The following KCNT1 variants were observed in gnomAD, a reference collection of about 807,000 sequenced individuals.
KCNT1 encodes the protein potassium channel subfamily T member 1.
Under a neutral mutation model 147.8 loss-of-function variants are expected in KCNT1, and 78 were observed. The ratio of observed to expected loss-of-function variants is 0.53; its 90% CI spans 0.44 to 0.64. The LOEUF is 0.64. Among genes scored for constraint, KCNT1 ranks in the 30% least tolerant of loss-of-function variants. The pLI is 0.00. For synonymous variants in KCNT1, 867 were observed against 748.8 expected, an observed-to-expected ratio of 1.16 and a Z score of -2.58; for missense variants, 1,419 against 1,750.3, an observed-to-expected ratio of 0.81 and a Z score of 3.38.
At position 135,726,309 on chromosome 9, in the gene KCNT1, G is replaced by A. The variant is rs143800010; in HGVS notation, c.254+11589G>A. Reference sequence around the variant, plus strand: ...ACTCCCGGCCTGCAGGGCCCTCTGGGGCCTCCCTGGGTCTCGGATCCCTTC... The same window carrying A: ...ACTCCCGGCCTGCAGGGCCCTCTGGAGCCTCCCTGGGTCTCGGATCCCTTC... On this transcript the variant is annotated intron_variant, in intron 2 of 30. Transcript: ENST00000371757. 5.0e-3 allele frequency among the ~76,000 whole-genome samples: 760 copies of A among 152,170 alleles called. 1 individual carries two copies. Among genetic ancestry groups the A allele is most frequent in the African/African-American group, 0.017 (711 of 41,512 alleles).
chr9:135,751,363 C>A (rs10123048), intron 4 of KCNT1, among the ~76,000 whole-genome samples: 3 of 151,628 alleles, frequency 2.0e-5, no homozygotes, highest in African/African-American at 7.3e-5. Flanking sequence ...TGTCTCTGTG[C>A]TCACTTGAGC....
chr9:135,752,558 C>T lies in KCNT1; in HGVS notation c.435-1379C>T, dbSNP rs546888939. 5.1e-6 allele frequency: 2 copies of T among 390,558 alleles called. No homozygotes were observed. The highest frequency in any genetic ancestry group is 1.0e-5 in the Non-Finnish European group (2 of 196,184). 24.2% of individuals were successfully genotyped at this position (390,558 alleles called of 1,614,324 possible). Reference sequence around the variant, plus strand: ...GTTCACTGCCCGTCCCCTAGCACAGCGTCCAGGACATGGATGGGGGTGGGA... The same window carrying T: ...GTTCACTGCCCGTCCCCTAGCACAGTGTCCAGGACATGGATGGGGGTGGGA... On this transcript the variant is annotated intron_variant, in intron 4 of 30. Coordinates refer to ENST00000371757, the MANE Select transcript of KCNT1 (RefSeq NM_020822.3). This position sits in a 1 kb window ranked among gnomAD's most constrained non-coding sequence, Gnocchi z 5.1.
chr9:135,736,982 T>TA, intron 2 of KCNT1: 1 of 286,098 alleles, frequency 3.5e-6, no homozygotes, highest in Non-Finnish European at 6.5e-6. Context: ...GACCCCCCAC[T>TA]CCCCCCACGT....
intron 28 of KCNT1, chr9:135,785,638 G>A (rs1833987531): frequency 1.7e-6 from 1 of 574,226 alleles, no homozygotes; most frequent in African/African-American, 1.9e-5. Flanking sequence ...TGCCCATCTG[G>A]CCTGACCAGC....
Position 135,793,955 on chromosome 9 carries a change from G to GT in KCNT1, c.*1794_*1795insT, listed in dbSNP as rs1834709540. The GT allele has an allele frequency of 6.6e-6, 1 of 151,904 alleles. No individual in the cohort carries two copies. The highest frequency in any genetic ancestry group is 2.5e-5 in the African/African-American group (1 of 40,698). 9.4% of individuals were successfully genotyped at this position (151,904 alleles called of 1,614,324 possible). Reference sequence around the variant, plus strand: ...GCACGCCCTGCCCCGCAGTCACCCCGCCCCGCAGTCGCCCTGCAGCTGGAA... The same window carrying GT: ...GCACGCCCTGCCCCGCAGTCACCCCGTCCCCGCAGTCGCCCTGCAGCTGGAA... On this transcript the variant is annotated 3_prime_UTR_variant, in exon 31 of 31. Transcript: ENST00000371757.
chr9:135,760,658 C>T (rs988652713), intron 11 of KCNT1, among the ~76,000 whole-genome samples: 3 of 152,182 alleles, frequency 2.0e-5, no homozygotes, highest in African/African-American at 7.2e-5. Flanking sequence ...CAGCAGTGGG[C>T]GTGGCCCAGG....
chr9:135,770,831 C>A lies in KCNT1; in HGVS notation c.1770-26C>A, dbSNP rs753935196. On this transcript the variant is annotated intron_variant, in intron 17 of 30. Coordinates refer to ENST00000371757, the MANE Select transcript of KCNT1 (RefSeq NM_020822.3). Reference sequence around the variant, plus strand: ...GGACAGGGCGGGTGAGCGGCGGTACCTGAAGTTGCCGGTGCCTCTGCCCAG... The same window carrying A: ...GGACAGGGCGGGTGAGCGGCGGTACATGAAGTTGCCGGTGCCTCTGCCCAG... 7 of 1,546,746 alleles carry A rather than the reference C, an allele frequency of 4.5e-6. No individual in the cohort carries two copies. The South Asian group carries it at 7.1e-5, about 16-fold the overall frequency.
At chr9:135,767,229 C>G (rs991146870) in intron 13 of KCNT1, among the ~76,000 whole-genome samples, 1 of 152,166 alleles carries the variant, frequency 6.6e-6, no homozygotes, top group African/African-American at 2.4e-5. Context: ...TGGTCCCGTC[C>G]CCAGCACACA....
At chr9:135,731,991 T>TAGAGAGAGAGAGAGAGAGAG (rs1189149987) in intron 2 of KCNT1, among the ~76,000 whole-genome samples, 15 of 21,732 alleles carry the variant, frequency 6.9e-4, no homozygotes, top group Non-Finnish European at 7.5e-4. Context: ...TATATATATA[T>TAGAGAGAGAGAGAGAGAGAG]AGAGAGAGAG....
At chr9:135,761,881 C>G (rs1012961392) in intron 11 of KCNT1, among the ~76,000 whole-genome samples, 1 of 152,226 alleles carries the variant, frequency 6.6e-6, no homozygotes, top group African/African-American at 2.4e-5. Context: ...GGGCTGCGTC[C>G]GGCTCCTCTC....
intron 2 of KCNT1, among the ~76,000 whole-genome samples, chr9:135,734,283 C>T (rs540501738): frequency 7.3e-4 from 111 of 152,296 alleles, no homozygotes; most frequent in African/African-American, 2.4e-3. Flanking sequence ...GAGCCTGGGG[C>T]CCCAGCCCAC....
rs375831835 is a variant in KCNT1, at chr9:135,781,020, C to T, written c.2841+1550C>T. 9.2e-5 allele frequency among the ~76,000 whole-genome samples: 14 copies of T among 152,338 alleles called. 1 individual carries two copies. In the South Asian group the frequency reaches 2.7e-3, roughly 29 times the overall value. The stretch of plus-strand genomic sequence containing the variant: ...GCCAACACGCTCCTGCCCGCCTTCC[C>T]GCCAGGCAGCCATCGCCAATCACCC... On this transcript the variant is annotated intron_variant, in intron 24 of 30. Coordinates refer to ENST00000371757, the MANE Select transcript of KCNT1 (RefSeq NM_020822.3).
intron 29 of KCNT1, 137 bp from the exon 30 acceptor site, chr9:135,791,660 A>G: frequency 1.3e-6 from 1 of 740,884 alleles, no homozygotes; most frequent in South Asian, 1.6e-5. Flanking sequence ...GCTCACCAGG[A>G]TGAGGTGCTG....
At chr9:135,733,848 G>C (rs990930933) in intron 2 of KCNT1, among the ~76,000 whole-genome samples, 6 of 150,360 alleles carry the variant, frequency 4.0e-5, no homozygotes, top group Middle Eastern at 3.5e-3. Flanking sequence ...CTTTGAGAAT[G>C]TCCAGAATGG....
chr9:135,720,000 G>A (rs2131339353), intron 2 of KCNT1, among the ~76,000 whole-genome samples: 1 of 152,302 alleles, frequency 6.6e-6, no homozygotes, highest in Non-Finnish European at 1.5e-5. Context: ...AAGCTGAGAA[G>A]TGGACCACAA....
At chr9:135,723,184 G>A (rs1289852543) in intron 2 of KCNT1, among the ~76,000 whole-genome samples, 1 of 152,210 alleles carries the variant, frequency 6.6e-6, no homozygotes, top group African/African-American at 2.4e-5. Context: ...CAGAGTGCAG[G>A]AAGCTGGGGG....
intron 2 of KCNT1, among the ~76,000 whole-genome samples, chr9:135,716,557 C>A (rs1324940157): frequency 2.6e-5 from 4 of 152,086 alleles, no homozygotes; most frequent in Non-Finnish European, 5.9e-5. Flanking sequence ...ATTTGTATAC[C>A]CTAGAAGGAA....
At chr9:135,723,987 G>A (rs899876955) in intron 2 of KCNT1, among the ~76,000 whole-genome samples, 14 of 152,318 alleles carry the variant, frequency 9.2e-5, no homozygotes, top group African/African-American at 3.4e-4. Context: ...CCTTCACTCT[G>A]AGCCCGTCTC....
chr9:135,771,433 G>A (rs1402248319), intron 18 of KCNT1, among the ~76,000 whole-genome samples: 1 of 152,228 alleles, frequency 6.6e-6, no homozygotes, highest in African/African-American at 2.4e-5. Context: ...AGGTGTCCCC[G>A]CCTTCCTGTG....
Sources: allele counts gnomAD v4.1 joint callset (sites outside exome capture counted in the v4.1 genomes callset), GRCh38; gene constraint gnomAD v4.1.1; non-coding constraint Gnocchi (gnomAD v3.1); transcripts MANE v1.5; gene names NCBI Gene and HGNC (gene_info 2026-07-23, HGNC 2026-07-21).